MCUB: variants seen among roughly 807,000 people sequenced by gnomAD.
The protein encoded by MCUB is mitochondrial calcium uniporter dominant negative subunit beta.
Under a neutral mutation model 41.4 loss-of-function variants are expected in MCUB, and 46 were observed. The observed-to-expected ratio is 1.11, with a 90% CI of 0.88 to 1.42. MCUB has a LOEUF of 1.42. Among genes scored for constraint, MCUB ranks in the 40% most tolerant of loss-of-function variants. MCUB has a pLI of 0.00. For missense variants in MCUB, 403 were observed against 404.9 expected (o/e 1.00, Z 0.04); for synonymous variants, 148 against 148.2 (o/e 1.00, Z 0.01).
At chr4:109,598,844 G>T (rs1359095021) in intron 1 of MCUB, among the ~76,000 whole-genome samples, 1 of 151,984 alleles carries the variant, frequency 6.6e-6, no homozygotes, top group Non-Finnish European at 1.5e-5. Flanking sequence ...CTCTAAATTG[G>T]TAACAAAGAA....
intron 4 of MCUB, among the ~76,000 whole-genome samples, chr4:109,677,031 T>A (rs1729588679): frequency 6.6e-6 from 1 of 152,246 alleles, no homozygotes; most frequent in Non-Finnish European, 1.5e-5. Context: ...CTGCCTGGGC[T>A]GAGCCCAGCA....
intron 1 of MCUB, among the ~76,000 whole-genome samples, chr4:109,580,613 C>T (rs1318284225): frequency 6.6e-6 from 1 of 152,188 alleles, no homozygotes; most frequent in Non-Finnish European, 1.5e-5. Context: ...TTTTGATTTG[C>T]ATTTCTCTGA....
In MCUB at chr4:109,680,444, C is replaced by T. The variant is rs535542009; in HGVS notation, c.452-2138C>T. On this transcript the variant is annotated intron_variant, in intron 4 of 7. Coordinates refer to ENST00000394650, the MANE Select transcript of MCUB (RefSeq NM_017918.5). Reference sequence around the variant, plus strand: ...ACAAATTGAAGTTGAGTTCAGTTCACGCTGGACCCTATTGCAATAGTTATT... The same window carrying T: ...ACAAATTGAAGTTGAGTTCAGTTCATGCTGGACCCTATTGCAATAGTTATT... Among the ~76,000 whole-genome samples, 16 of 152,254 alleles carry T rather than the reference C, an allele frequency of 1.1e-4. No homozygotes were observed. The East Asian group carries it at 1.5e-3, about 15-fold the overall frequency.
intron 4 of MCUB, chr4:109,681,585 C>G: frequency 3.0e-6 from 1 of 329,318 alleles, no homozygotes; most frequent in South Asian, 2.4e-5. Context: ...TGTTACAGCT[C>G]TATTAGAAGT....
chr4:109,681,756 G>A (rs1729721139), intron 4 of MCUB, among the ~76,000 whole-genome samples: 1 of 152,234 alleles, frequency 6.6e-6, no homozygotes, highest in Non-Finnish European at 1.5e-5. Flanking sequence ...TGGACACCCT[G>A]CTGGATCCGG....
chr4:109,674,077 A>T (rs1450832682), intron 4 of MCUB: 2 of 1,451,402 alleles, frequency 1.4e-6, no homozygotes, highest in African/African-American at 1.4e-5. Context: ...GACTGTTGGT[A>T]TGGGCTATTC....
intron 1 of MCUB, among the ~76,000 whole-genome samples, chr4:109,631,847 C>T (rs958135250): frequency 2.8e-4 from 43 of 152,300 alleles, no homozygotes; most frequent in African/African-American, 9.9e-4. Context: ...AGACCTTTCT[C>T]TCCCCACCTG....
In MCUB at chr4:109,673,806, G is replaced by GT. The variant is rs896178587; in HGVS notation, c.452-8770dup. The GT allele has an allele frequency of 7.1e-5, 47 of 662,752 alleles. No individual in the cohort carries two copies. The South Asian group carries it at 7.7e-4, about 11-fold the overall frequency. The allele number at this position is 662,752 out of a possible 1,614,324, so 41.1% of individuals were successfully genotyped here. ...TCAGAAGCCGGTTGGCGGGTGAGAG[G>GT]TTTTTTCGCTCTAGGGAGATTCTTC... On this transcript the variant is annotated intron_variant, in intron 4 of 7. Coordinates refer to ENST00000394650, the MANE Select transcript of MCUB (RefSeq NM_017918.5).
chr4:109,566,784 A>T (rs1288789654), intron 1 of MCUB, among the ~76,000 whole-genome samples: 1 of 152,234 alleles, frequency 6.6e-6, no homozygotes, highest in African/African-American at 2.4e-5. Flanking sequence ...TGGTAGGGCC[A>T]GGTTGGCAGG....
chr4:109,633,666 A>G (rs946394882), intron 1 of MCUB, among the ~76,000 whole-genome samples: 9 of 152,216 alleles, frequency 5.9e-5, no homozygotes, highest in Non-Finnish European at 1.2e-4. Flanking sequence ...CACGACTTGA[A>G]TAGAGTTGCC....
intron 1 of MCUB, among the ~76,000 whole-genome samples, chr4:109,592,036 C>A (rs1727448037): frequency 6.6e-6 from 1 of 152,052 alleles, no homozygotes; most frequent in African/African-American, 2.4e-5. Context: ...TTTAAATGTT[C>A]TTTTGAGGTT....
chr4:109,573,933 C>T (rs964376118), intron 1 of MCUB, among the ~76,000 whole-genome samples: 5 of 137,194 alleles, frequency 3.6e-5, no homozygotes, highest in African/African-American at 1.1e-4. Flanking sequence ...ATTGCAGTGG[C>T]GCAATCTCGG....
intron 1 of MCUB, among the ~76,000 whole-genome samples, chr4:109,637,878 C>G (rs1728629700): frequency 6.6e-6 from 1 of 152,060 alleles, no homozygotes; most frequent in Admixed American, 6.5e-5. Context: ...GACCTGTTCC[C>G]AAAACCCATT....
intron 1 of MCUB, among the ~76,000 whole-genome samples, chr4:109,658,686 C>T (rs191496219): frequency 5.3e-5 from 8 of 152,218 alleles, no homozygotes; most frequent in Admixed American, 4.6e-4. Context: ...ATACTTATGT[C>T]CATTTGTTTT....
chr4:109,569,059 C>CT (rs1726847502), intron 1 of MCUB, among the ~76,000 whole-genome samples: 1 of 151,410 alleles, frequency 6.6e-6, no homozygotes, highest in Non-Finnish European at 1.5e-5. Context: ...TCTTTTTTTT[C>CT]TTTTTGAGAC....
chr4:109,659,232 T>C (rs912300447), intron 2 of MCUB, 146 bp downstream of exon 2: 29 of 607,958 alleles, frequency 4.8e-5, no homozygotes, highest in Middle Eastern at 4.3e-4. Flanking sequence ...TTCCACCTTT[T>C]TGTGCTCCCA....
intron 1 of MCUB, among the ~76,000 whole-genome samples, chr4:109,643,685 G>T (rs1728769816): frequency 6.6e-6 from 1 of 151,654 alleles, no homozygotes; most frequent in African/African-American, 2.4e-5. Flanking sequence ...TGTATTTTTA[G>T]TAGAGATGGG....
chr4:109,603,246 CCG>C (rs1224145078), intron 1 of MCUB, among the ~76,000 whole-genome samples: 9 of 152,208 alleles, frequency 5.9e-5, no homozygotes, highest in African/African-American at 2.2e-4. Context: ...CAGGCGCGCG[CCG>C]CCACGCCTGA....
intron 1 of MCUB, among the ~76,000 whole-genome samples, chr4:109,566,605 A>G: frequency 6.6e-6 from 1 of 152,234 alleles, no homozygotes; most frequent in East Asian, 1.9e-4. Flanking sequence ...CATTGACAAT[A>G]TTTTGTTCAA....
Sources: allele counts gnomAD v4.1 joint callset (sites outside exome capture counted in the v4.1 genomes callset), GRCh38; gene constraint gnomAD v4.1.1; transcripts MANE v1.5; gene names NCBI Gene and HGNC (gene_info 2026-07-23, HGNC 2026-07-21).